Variants in MAP2K5 observed in about 807,000 individuals in gnomAD.
MAP2K5 encodes the protein dual specificity mitogen-activated protein kinase kinase 5.
In MAP2K5, 49 loss-of-function variants were observed where a neutral mutation model predicts 83.1. The ratio of observed to expected loss-of-function variants is 0.59; its 90% CI spans 0.47 to 0.75. The LOEUF (loss-of-function observed/expected upper bound fraction) is 0.75. Ranked by LOEUF, MAP2K5 falls within the 30% of genes least tolerant of loss-of-function variation. The pLI is 0.00. For synonymous variants in MAP2K5, 202 were observed against 191.8 expected (o/e 1.05, Z -0.44); for missense variants, 457 against 557.5 (o/e 0.82, Z 1.82).
intron 8 of MAP2K5, among the ~76,000 whole-genome samples, chr15:67,612,254 C>T (rs2085941757): frequency 6.6e-6 from 1 of 152,026 alleles, no homozygotes; most frequent in African/African-American, 2.4e-5. Flanking sequence ...GTATATGTGA[C>T]ACCGTTAAGT....
chr15:67,583,672 A>G (rs1596596700), intron 4 of MAP2K5, among the ~76,000 whole-genome samples: 1 of 152,168 alleles, frequency 6.6e-6, no homozygotes, highest in East Asian at 1.9e-4. Context: ...CTTAAATTTT[A>G]TGGTTAGGCC....
rs141385762 is a variant in MAP2K5 at position 67,646,401 on chromosome 15, A to C, written c.668A>C (p.Tyr223Ser). The change falls in exon 11 of 22, where the codon TAT becomes TCT. Residue 223 changes from tyrosine (Y) to serine (S), a missense_variant. Coordinates refer to ENST00000178640, the MANE Select transcript of MAP2K5 (RefSeq NM_145160.3). ...LEILYKCDSSYIIGFYGAFFV... is the reference protein window; with the variant it reads ...LEILYKCDSSSIIGFYGAFFV... Reference sequence around the variant, plus strand: ...TTTTTGTTACAGTGCGATTCATCATATATCATTGGATTTTATGGAGCATTT... The same window carrying C: ...TTTTTGTTACAGTGCGATTCATCATCTATCATTGGATTTTATGGAGCATTT... 6.3e-7 allele frequency: 1 copy of C among 1,594,130 alleles called. No individual in the cohort carries two copies. Among genetic ancestry groups the C allele is most frequent in the African/African-American group, 1.3e-5 (1 of 74,620 alleles).
chr15:67,606,542 G>A (rs1264250832), intron 8 of MAP2K5, among the ~76,000 whole-genome samples: 1 of 152,152 alleles, frequency 6.6e-6, no homozygotes, highest in African/African-American at 2.4e-5. Context: ...AAAGATGCTG[G>A]TCTCTCCTCC....
chr15:67,553,936 A>AAG (rs1324310313), intron 2 of MAP2K5, among the ~76,000 whole-genome samples: 3 of 151,464 alleles, frequency 2.0e-5, no homozygotes, highest in Non-Finnish European at 4.4e-5. Context: ...AAAAAAAAAA[A>AAG]AAAAAAGAAA....
At chr15:67,571,525 A>G (rs16951010) in intron 3 of MAP2K5, among the ~76,000 whole-genome samples, 22,377 of 151,894 alleles carry the variant, frequency 0.15, 2,136 homozygotes, top group African/African-American at 0.26. Context: ...GTGTCACCCT[A>G]TTGTTGCGAA....
intron 21 of MAP2K5, among the ~76,000 whole-genome samples, chr15:67,798,583 C>G (rs966744790): frequency 6.6e-6 from 1 of 152,190 alleles, no homozygotes; most frequent in Non-Finnish European, 1.5e-5. Context: ...TGGTCCATTT[C>G]TGGCCTATTA....
At position 67,758,911 on chromosome 15, in the gene MAP2K5, TG is replaced by T. The variant is rs985022342; in HGVS notation, c.1134+10311del. 4.6e-5 allele frequency among the ~76,000 whole-genome samples: 7 copies of T among 152,300 alleles called. No homozygotes were observed. The highest frequency in any genetic ancestry group is 4.6e-4 in the Admixed American group (7 of 15,298). On this transcript the variant is annotated intron_variant, in intron 19 of 21. Coordinates refer to ENST00000178640, the MANE Select transcript of MAP2K5 (RefSeq NM_145160.3). The surrounding 1 kb of genome is among the most constrained non-coding windows in gnomAD (Gnocchi z 4.7). ...AAGGAAGAGGTTTTTTATACAGCTGTGAAAGAAGACAACTTAGCATTGCAGA... is the reference window on the plus strand; with the variant it reads ...AAGGAAGAGGTTTTTTATACAGCTGTAAAGAAGACAACTTAGCATTGCAGA...
At chr15:67,567,456 C>T (rs2084863989) in intron 3 of MAP2K5, among the ~76,000 whole-genome samples, 1 of 151,624 alleles carries the variant, frequency 6.6e-6, no homozygotes, top group Non-Finnish European at 1.5e-5. Context: ...GCTCCGCTTC[C>T]CGGGTTCACG....
At chr15:67,650,730 G>C (rs1351373826) in intron 11 of MAP2K5, among the ~76,000 whole-genome samples, 1 of 151,986 alleles carries the variant, frequency 6.6e-6, no homozygotes, top group Non-Finnish European at 1.5e-5. Flanking sequence ...GGTTCAGTTT[G>C]CTAGTATTTT....
At chr15:67,630,259 A>C (rs1175449910) in intron 8 of MAP2K5, among the ~76,000 whole-genome samples, 1 of 152,168 alleles carries the variant, frequency 6.6e-6, no homozygotes, top group African/African-American at 2.4e-5. Context: ...CAATCAGATA[A>C]ACACAAAAGG....
At chr15:67,642,353 C>T (rs2086732773) in intron 9 of MAP2K5, 3 of 1,335,512 alleles carry the variant, frequency 2.2e-6, no homozygotes, top group South Asian at 1.4e-5. Flanking sequence ...GAAAAATGTA[C>T]AAGACTCAGC....
rs145284728 is a variant in MAP2K5 at position 67,686,985 on chromosome 15, C to T, written c.848-5494C>T. Reference sequence around the variant, plus strand: ...TGTCTAGTACTTTAAAGTTTTTAAACTTTAAACACAGCAAACTTTTGAGGT... The same window carrying T: ...TGTCTAGTACTTTAAAGTTTTTAAATTTTAAACACAGCAAACTTTTGAGGT... On this transcript the variant is annotated intron_variant, in intron 13 of 21. Transcript: ENST00000178640. Among the ~76,000 whole-genome samples the T allele has an allele frequency of 3.3e-3, 508 of 152,176 alleles. 2 individuals carry two copies. Among genetic ancestry groups the T allele is most frequent in the African/African-American group, 0.012 (485 of 41,518 alleles).
chr15:67,796,901 G>C (rs1214590345), intron 21 of MAP2K5, among the ~76,000 whole-genome samples: 2 of 152,210 alleles, frequency 1.3e-5, no homozygotes, highest in Admixed American at 6.5e-5. Flanking sequence ...GGAGGAAAGG[G>C]TGTGGAAATG....
At chr15:67,556,545 CT>C (rs2084629457) in intron 2 of MAP2K5, among the ~76,000 whole-genome samples, 1 of 115,762 alleles carries the variant, frequency 8.6e-6, no homozygotes. Flanking sequence ...TTTTCTTTTT[CT>C]TTTCTTTCTT....
At chr15:67,725,015 A>G (rs911167844) in intron 16 of MAP2K5, among the ~76,000 whole-genome samples, 10 of 152,364 alleles carry the variant, frequency 6.6e-5, no homozygotes, top group African/African-American at 1.7e-4. Flanking sequence ...CCTCCCAGGA[A>G]CATAGTTAAA....
rs1001565963 is a variant in MAP2K5 at position 67,636,389 on chromosome 15, C to T, written c.585+5462C>T. On this transcript the variant is annotated intron_variant, in intron 9 of 21. Transcript: ENST00000178640. This position sits in a 1 kb window ranked among gnomAD's most constrained non-coding sequence, Gnocchi z 4.7. Reference sequence around the variant, plus strand: ...CGCCACTGCACTCCAGCCTGGGCAACAGAATAAGACTCCGTCTCAAAAAAA... The same window carrying T: ...CGCCACTGCACTCCAGCCTGGGCAATAGAATAAGACTCCGTCTCAAAAAAA... Among the ~76,000 whole-genome samples the T allele has an allele frequency of 6.9e-6, 1 of 144,994 alleles. No homozygotes were observed. The highest frequency in any genetic ancestry group is 2.6e-5 in the African/African-American group (1 of 38,962).
At chr15:67,642,518 G>T in intron 9 of MAP2K5, 1 of 1,338,328 alleles carries the variant, frequency 7.5e-7, no homozygotes, top group Non-Finnish European at 1.1e-6. Context: ...TGGAGACAAT[G>T]GTGGCATTCA....
At chr15:67,575,919 T>TCTTTCTTTCTTTC (rs56283748) in intron 3 of MAP2K5, among the ~76,000 whole-genome samples, 6 of 73,998 alleles carry the variant, frequency 8.1e-5, no homozygotes, top group African/African-American at 3.3e-4. Context: ...TTTCTTTCTT[T>TCTTTCTTTCTTTC]TTTTTTTTTT....
chr15:67,582,055 A>ATTTTTTTTTTTTTTTTTTTTTTTT (rs1233297576), intron 4 of MAP2K5, among the ~76,000 whole-genome samples: 1 of 134,866 alleles, frequency 7.4e-6, no homozygotes. Flanking sequence ...GATGTAGATG[A>ATTTTTTTTTTTTTTTTTTTTTTTT]TTTCTTTTTT....
Sources: gnomAD v4.1 joint callset for allele counts (sites outside exome capture counted in the v4.1 genomes callset) on GRCh38, gnomAD v4.1.1 for gene constraint, Gnocchi (gnomAD v3.1) non-coding constraint, MANE v1.5 for transcripts, NCBI Gene and HGNC (gene_info 2026-07-23, HGNC 2026-07-21) for gene names.